FTO: variants seen among roughly 807,000 people sequenced by gnomAD.
FTO encodes FTO alpha-ketoglutarate dependent dioxygenase, also known as alpha-ketoglutarate-dependent dioxygenase FTO.
A neutral mutation model predicts 63.9 loss-of-function variants in FTO; 47 were observed. The ratio of observed to expected loss-of-function variants is 0.74; its 90% CI spans 0.58 to 0.94. FTO has a LOEUF of 0.94. FTO is among the 40% of genes least tolerant of loss of function. The probability of loss-of-function intolerance (pLI) is 0.00; values close to 1 mark genes in which losing one functional copy is unlikely to be tolerated. For missense variants in FTO, 562 were observed against 618.1 expected (o/e 0.91, Z 0.96); for synonymous variants, 207 against 224.4 (o/e 0.92, Z 0.69).
intron 4 of FTO, among the ~76,000 whole-genome samples, chr16:53,845,232 T>C (rs2079587826): frequency 1.3e-5 from 2 of 152,246 alleles, no homozygotes; most frequent in Admixed American, 1.3e-4. Flanking sequence ...ATCTCACTCC[T>C]ATCTACCTGG....
chr16:53,886,202 T>C (rs1233574093), intron 6 of FTO, among the ~76,000 whole-genome samples: 1 of 152,204 alleles, frequency 6.6e-6, no homozygotes, highest in African/African-American at 2.4e-5. Context: ...AGTTTTAATT[T>C]ACTGAAATCC....
intron 1 of FTO, among the ~76,000 whole-genome samples, chr16:53,720,616 A>G (rs1215855982): frequency 6.8e-6 from 1 of 146,512 alleles, no homozygotes; most frequent in Non-Finnish European, 1.5e-5. Context: ...ACTTAAAAAG[A>G]TATATATATA....
chr16:54,016,060 C>T (rs2084438890), intron 8 of FTO, among the ~76,000 whole-genome samples: 2 of 152,146 alleles, frequency 1.3e-5, no homozygotes, highest in African/African-American at 4.8e-5. Flanking sequence ...TTCATTTAAT[C>T]TTCAAAGCAA....
chr16:54,048,256 GAAAA>G (rs111381976), intron 8 of FTO, among the ~76,000 whole-genome samples: 59,044 of 133,808 alleles, frequency 0.44, 14,552 homozygotes, highest in African/African-American at 0.7. Context: ...AAAAATACTT[GAAAA>G]AAAAAAAAAA....
intron 8 of FTO, among the ~76,000 whole-genome samples, chr16:54,024,518 G>A (rs560649005): frequency 5.3e-5 from 8 of 152,160 alleles, no homozygotes; most frequent in Admixed American, 3.3e-4. Flanking sequence ...GTGAGTCACC[G>A]CGCCCGGCCT....
chr16:54,063,750 A>G (rs571604538), intron 8 of FTO: 1 of 141,058 alleles, frequency 7.1e-6, no homozygotes, highest in South Asian at 2.2e-4. Context: ...GCGTAGCTAT[A>G]TCGGGGATCC....
intron 8 of FTO, among the ~76,000 whole-genome samples, chr16:54,031,918 A>T (rs2084841305): frequency 6.6e-6 from 1 of 152,178 alleles, no homozygotes; most frequent in Admixed American, 6.5e-5. Context: ...AGTTAGGTAG[A>T]ATTCCATATG....
At chr16:53,755,943 A>G (rs150959193) in intron 1 of FTO, among the ~76,000 whole-genome samples, 1 of 152,236 alleles carries the variant, frequency 6.6e-6, no homozygotes, top group Non-Finnish European at 1.5e-5. Context: ...AGCCACTGTT[A>G]TTTTGGATTT....
chr16:53,877,495 A>T (rs1457797764), intron 5 of FTO, among the ~76,000 whole-genome samples: 1 of 152,208 alleles, frequency 6.6e-6, no homozygotes, highest in Admixed American at 6.5e-5. Context: ...AGGTCTCTCT[A>T]TGGACATAGA....
intron 8 of FTO, chr16:53,999,779 C>T (rs1386876630): frequency 2.0e-5 from 3 of 152,194 alleles, no homozygotes; most frequent in East Asian, 1.9e-4. Context: ...GGATTTTCTC[C>T]GTACTCCATT....
chr16:53,964,022 G>A (rs1194266820), intron 8 of FTO, among the ~76,000 whole-genome samples: 4 of 152,094 alleles, frequency 2.6e-5, no homozygotes, highest in African/African-American at 9.7e-5. Flanking sequence ...CAAAGTGCTG[G>A]GATTACAGGT....
chr16:54,065,180 T>G (rs1296585908), intron 8 of FTO, among the ~76,000 whole-genome samples: 1 of 151,008 alleles, frequency 6.6e-6, no homozygotes, highest in African/African-American at 2.5e-5. Context: ...ATTTTTGACC[T>G]GGGGTCTTGC....
chr16:53,851,473 G>A (rs1052511160), intron 4 of FTO, among the ~76,000 whole-genome samples: 2 of 149,954 alleles, frequency 1.3e-5, no homozygotes, highest in Non-Finnish European at 3.0e-5. Context: ...AAAAAAAAAG[G>A]AAAAAAAATA....
At chr16:53,919,538 A>T (rs186801970) in intron 7 of FTO, among the ~76,000 whole-genome samples, 15 of 152,346 alleles carry the variant, frequency 9.8e-5, no homozygotes, top group African/African-American at 3.6e-4. Flanking sequence ...TGTTTATAGC[A>T]GCACAATTTA....
At chr16:54,110,997 T>G (rs1205930629) in intron 8 of FTO, among the ~76,000 whole-genome samples, 1 of 152,220 alleles carries the variant, frequency 6.6e-6, no homozygotes, top group South Asian at 2.1e-4. Context: ...TGCCAAGGTG[T>G]AAGAACGTTG....
intron 8 of FTO, among the ~76,000 whole-genome samples, chr16:54,035,434 T>C (rs1208051028): frequency 6.6e-6 from 1 of 152,224 alleles, no homozygotes; most frequent in African/African-American, 2.4e-5. Context: ...AAAGATCTTT[T>C]AGTCAGACAC....
At position 54,114,574 on chromosome 16, in the gene FTO, T is replaced by C. The variant is rs2086957188; in HGVS notation, c.*2659T>C. ...AAGTCCTCCAGGTGGAGTCAGGGAA[T>C]GTGCAACAGGGTTGGAGAAATCACT... On this transcript the variant is annotated 3_prime_UTR_variant, in exon 9 of 9. Coordinates refer to ENST00000471389, the MANE Select transcript of FTO (RefSeq NM_001080432.3). The C allele has an allele frequency of 6.6e-6, 1 of 152,150 alleles. No individual in the cohort carries two copies. Among genetic ancestry groups the C allele is most frequent in the African/African-American group, 2.4e-5 (1 of 41,424 alleles). 9.4% of individuals were successfully genotyped at this position (152,150 alleles called of 1,614,324 possible).
rs140494493 is a variant in FTO at position 54,027,951 on chromosome 16, G to A, written c.1365-83811G>A. On this transcript the variant is annotated intron_variant, in intron 8 of 8. Transcript: ENST00000471389. Reference sequence around the variant, plus strand: ...GTAGCCTCATTATCCTTCTCAATGTGCAATACTTGATAGTTTATTTTACTA... The same window carrying A: ...GTAGCCTCATTATCCTTCTCAATGTACAATACTTGATAGTTTATTTTACTA... Among the ~76,000 whole-genome samples, 917 of 152,076 alleles carry A rather than the reference G, an allele frequency of 6.0e-3. 5 individuals are homozygous for A. The highest frequency in any genetic ancestry group is 0.021 in the African/African-American group (882 of 41,480).
intron 1 of FTO, among the ~76,000 whole-genome samples, chr16:53,789,943 T>G (rs1480363252): frequency 6.8e-6 from 1 of 148,138 alleles, no homozygotes; most frequent in Non-Finnish European, 1.5e-5. Context: ...TACACAAAAA[T>G]TATAACACAA....
Sources: gnomAD v4.1 joint callset for allele counts (sites outside exome capture counted in the v4.1 genomes callset) on GRCh38, gnomAD v4.1.1 for gene constraint, MANE v1.5 for transcripts, NCBI Gene and HGNC (gene_info 2026-07-23, HGNC 2026-07-21) for gene names.